The following TBCD variants were observed in gnomAD, a reference collection of about 807,000 sequenced individuals.
TBCD encodes tubulin folding cofactor D, also known as tubulin-specific chaperone D.
In TBCD, 105 loss-of-function variants were observed where a neutral mutation model predicts 169.3. The observed-to-expected ratio is 0.62, with a 90% CI of 0.53 to 0.73. The LOEUF (loss-of-function observed/expected upper bound fraction) is 0.73. Among genes scored for constraint, TBCD ranks in the 30% least tolerant of loss-of-function variants. The pLI is 0.00. For synonymous variants in TBCD, 700 were observed against 643.9 expected (o/e 1.09, Z -1.32); for missense variants, 1,444 against 1,600.1 (o/e 0.90, Z 1.66).
At chr17:82,830,455 T>C in intron 13 of TBCD, 1 of 1,612,358 alleles carries the variant, frequency 6.2e-7, no homozygotes, top group Non-Finnish European at 8.5e-7. Flanking sequence ...CGCGCATGCG[T>C]CTGGAGCCTC....
At position 82,841,939 on chromosome 17, in the gene TBCD, T is replaced by C. The variant is rs547628778; in HGVS notation, c.1318+27005T>C. 1.5e-3 allele frequency among the ~76,000 whole-genome samples: 230 copies of C among 152,286 alleles called. 1 individual carries two copies. Among genetic ancestry groups the C allele is most frequent in the African/African-American group, 5.4e-3 (223 of 41,554 alleles). On this transcript the variant is annotated intron_variant, in intron 13 of 38. Transcript: ENST00000355528. ...CACTTCAGAGGCCTCCCTAGCAGGG[T>C]GGTCAGCTGTATGATGGCTCAGGAC...
intron 7 of TBCD, among the ~76,000 whole-genome samples, chr17:82,783,683 G>A (rs750796759): frequency 2.0e-5 from 3 of 152,158 alleles, no homozygotes; most frequent in Non-Finnish European, 4.4e-5. Context: ...TCAGTGCCTC[G>A]TTCCCTTTAT....
rs199609098 is a variant in TBCD, at chr17:82,905,995, A to G, written c.1864A>G (p.Ile622Val). The G allele has an allele frequency of 8.7e-6, 14 of 1,613,082 alleles. No individual in the cohort carries two copies. The African/African-American group carries it at 1.7e-4, about 20-fold the overall frequency. Reference sequence around the variant, plus strand: ...AGATCTTCACATGAGGCATGGGTCGATTCTCGCCTGCGCAGAAGTTGCTTA... The same window carrying G: ...AGATCTTCACATGAGGCATGGGTCGGTTCTCGCCTGCGCAGAAGTTGCTTA... Reference protein sequence around the residue: ...SPDLHMRHGSILACAEVAYAL... With the variant: ...SPDLHMRHGSVLACAEVAYAL... The change falls in exon 20 of 39, where the codon ATT (isoleucine) becomes GTT (valine). Residue 622 changes from isoleucine to valine, a missense_variant. Transcript: ENST00000355528.
intron 13 of TBCD, among the ~76,000 whole-genome samples, chr17:82,825,931 A>G (rs1221641128): frequency 1.3e-5 from 2 of 152,206 alleles, no homozygotes; most frequent in African/African-American, 2.4e-5. Context: ...GCGCCACTGC[A>G]CTCCGGCCTG....
At position 82,930,635 on chromosome 17, in the gene TBCD, G is replaced by T; in HGVS notation, c.3105G>T (p.Leu1035=). ...TGCAGATCTTTGAGGACAACCTTCT[G>T]AATGAGAGGTGAGTGGTGTCTCTTG... The part of the protein sequence containing the change: ...TLLQIFEDNL[L]NERVSVPLLK... Residue 1035 remains leucine, a synonymous_variant, in exon 33 of 39, where the codon CTG becomes CTT. Transcript: ENST00000355528. The surrounding 1 kb of genome is among the most constrained non-coding windows in gnomAD (Gnocchi z 5.2). The T allele has an allele frequency of 1.2e-6, 2 of 1,613,982 alleles. No homozygotes were observed. The highest frequency in any genetic ancestry group is 1.7e-6 in the Non-Finnish European group (2 of 1,179,892).
chr17:82,924,269 T>C (rs1317825163), intron 26 of TBCD, among the ~76,000 whole-genome samples: 4 of 152,198 alleles, frequency 2.6e-5, no homozygotes, highest in Admixed American at 1.3e-4. Context: ...TTTTAGAATT[T>C]TTGTATGCAC....
chr17:82,918,699 G>A (rs1424534577), intron 23 of TBCD: 5 of 152,066 alleles, frequency 3.3e-5, no homozygotes, highest in East Asian at 1.9e-4. Context: ...TGAGCCCCGC[G>A]TGCCGTTTCG....
At chr17:82,937,472 C>G (rs2062725186) in intron 35 of TBCD, 112 bp downstream of exon 35, 1 of 912,180 alleles carries the variant, frequency 1.1e-6, no homozygotes, top group Non-Finnish European at 1.7e-6. Context: ...TGTTACTCCT[C>G]AAGCTAACCT....
intron 7 of TBCD, among the ~76,000 whole-genome samples, chr17:82,792,359 A>ACG (rs1376443959): frequency 1.4e-5 from 2 of 141,372 alleles, no homozygotes; most frequent in East Asian, 2.0e-4. Flanking sequence ...ACATGTGTGC[A>ACG]CACACACACA....
intron 7 of TBCD, among the ~76,000 whole-genome samples, chr17:82,791,486 C>T (rs1373677155): frequency 1.3e-5 from 2 of 152,176 alleles, no homozygotes; most frequent in Admixed American, 1.3e-4. Flanking sequence ...GCTCGCTGCT[C>T]CTCTCTTCTG....
chr17:82,922,995 A>G lies in TBCD; in HGVS notation c.2179-657A>G, dbSNP rs940238648. ...CTGTGCAGCAATTGCCGTCCCTCCC[A>G]CCACGGTTCCTGGTGGCCTTGGGAT... On this transcript the variant is annotated intron_variant, in intron 25 of 38. Transcript: ENST00000355528. This position sits in a 1 kb window ranked among gnomAD's most constrained non-coding sequence, Gnocchi z 4.1. 2.0e-5 allele frequency among the ~76,000 whole-genome samples: 3 copies of G among 151,990 alleles called. No homozygotes were observed. In the East Asian group the frequency reaches 5.8e-4, roughly 30 times the overall value.
chr17:82,796,996 T>C (rs1020482992), intron 7 of TBCD, among the ~76,000 whole-genome samples: 23 of 152,244 alleles, frequency 1.5e-4, no homozygotes, highest in Admixed American at 5.2e-4. Context: ...GTTCTCACCT[T>C]GACTGTGAAA....
intron 6 of TBCD, among the ~76,000 whole-genome samples, chr17:82,774,176 T>C (rs1397102571): frequency 2.0e-5 from 3 of 152,106 alleles, no homozygotes; most frequent in Non-Finnish European, 4.4e-5. Context: ...TCTCTGGTTT[T>C]CCTAGGCAGA....
intron 2 of TBCD, among the ~76,000 whole-genome samples, chr17:82,758,377 C>A (rs2047522056): frequency 6.2e-5 from 1 of 16,104 alleles, no homozygotes; most frequent in African/African-American, 1.7e-4. Flanking sequence ...AGAACGAAAA[C>A]GTCTCGGAAA....
rs1225152722 is a variant in TBCD at position 82,920,382 on chromosome 17, A to G, written c.2039-174A>G. The G allele has an allele frequency of 1.9e-5, 12 of 645,286 alleles. No homozygotes were observed. Among genetic ancestry groups the G allele is most frequent in the African/African-American group, 1.5e-4 (8 of 54,292 alleles). The allele number at this position is 645,286 out of a possible 1,614,324, so 40.0% of individuals were successfully genotyped here. A position where few individuals can be genotyped will look rare whatever the true frequency, so the allele number is the denominator to read the frequency against. The stretch of plus-strand genomic sequence containing the variant: ...GCGGAGGAGGCGTCTTGGGCTTCTC[A>G]TGGTGGTTCTGAAATGGTTCTGGGA... On this transcript the variant is annotated intron_variant, in intron 23 of 38. Coordinates refer to ENST00000355528, the MANE Select transcript of TBCD (RefSeq NM_005993.5). The surrounding 1 kb of genome is among the most constrained non-coding windows in gnomAD (Gnocchi z 4.1).
intron 7 of TBCD, among the ~76,000 whole-genome samples, chr17:82,790,205 A>G (rs995742265): frequency 6.9e-6 from 1 of 145,516 alleles, no homozygotes; most frequent in Non-Finnish European, 1.5e-5. Context: ...CTCCCCGACT[A>G]CCCTCCCGCC....
intron 7 of TBCD, among the ~76,000 whole-genome samples, chr17:82,786,204 C>T (rs1393025974): frequency 6.6e-6 from 1 of 152,072 alleles, no homozygotes; most frequent in Admixed American, 6.5e-5. Context: ...GAGGTGGCTT[C>T]GAGGGCTTCT....
chr17:82,807,753 T>C, intron 11 of TBCD, 85 bp downstream of exon 11: 1 of 1,141,336 alleles, frequency 8.8e-7, no homozygotes, highest in South Asian at 2.5e-5. Flanking sequence ...CCCAACAGCT[T>C]TGGAGTGGCA....
chr17:82,937,714 T>C (rs2062752066), intron 35 of TBCD: 4 of 698,168 alleles, frequency 5.7e-6, no homozygotes, highest in South Asian at 4.0e-5. Flanking sequence ...GGCGCTCAGG[T>C]GGACACTGGG....
Sources: gnomAD v4.1 joint callset for allele counts (sites outside exome capture counted in the v4.1 genomes callset) on GRCh38, gnomAD v4.1.1 for gene constraint, Gnocchi (gnomAD v3.1) non-coding constraint, MANE v1.5 for transcripts, NCBI Gene and HGNC (gene_info 2026-07-23, HGNC 2026-07-21) for gene names.